KYAT1: variants seen among roughly 807,000 people sequenced by gnomAD.
KYAT1 encodes the protein kynurenine aminotransferase 1.
KYAT1 carries 47 observed loss-of-function variants against 52.4 expected under a neutral mutation model. That is an observed-to-expected ratio of 0.90 (90% CI 0.71 to 1.14). The LOEUF (loss-of-function observed/expected upper bound fraction) is 1.14. Among genes scored for constraint, KYAT1 ranks in the 50% most tolerant of loss-of-function variants. The probability of loss-of-function intolerance (pLI) is 0.00; values close to 1 mark genes in which losing one functional copy is unlikely to be tolerated. For missense variants in KYAT1, 480 were observed against 557.9 expected, an observed-to-expected ratio of 0.86 and a Z score of 1.41; for synonymous variants, 212 against 209.6, an observed-to-expected ratio of 1.01 and a Z score of -0.10.
chr9:128,875,430 A>G (rs962444694), intron 1 of KYAT1, among the ~76,000 whole-genome samples: 5 of 151,608 alleles, frequency 3.3e-5, no homozygotes, highest in African/African-American at 1.2e-4. Context: ...CCTGGCCAAC[A>G]TGGTGAAACC....
chr9:128,874,928 T>C (rs1181533742), intron 1 of KYAT1, among the ~76,000 whole-genome samples: 2 of 151,914 alleles, frequency 1.3e-5, no homozygotes, highest in Non-Finnish European at 2.9e-5. Context: ...TTTCACCATG[T>C]TGGCCAGGCT....
chr9:128,847,488 C>G, intron 1 of KYAT1: 1 of 1,535,994 alleles, frequency 6.5e-7, no homozygotes, highest in Non-Finnish European at 8.7e-7. Flanking sequence ...CTGAAGGGGC[C>G]CCACCAGGTG....
chr9:128,833,664 C>T, intron 12 of KYAT1, 21 bp from the exon 13 acceptor site: 5 of 1,614,200 alleles, frequency 3.1e-6, no homozygotes, highest in Non-Finnish European at 4.2e-6. Flanking sequence ...ACAGATTAGT[C>T]CTACACTCTC....
chr9:128,877,118 G>C (rs1838160313), intron 1 of KYAT1, among the ~76,000 whole-genome samples: 1 of 152,058 alleles, frequency 6.6e-6, no homozygotes, highest in Non-Finnish European at 1.5e-5. Context: ...GGCTGGTCTT[G>C]AACTTCTGGC....
intron 1 of KYAT1, chr9:128,847,778 AC>A (rs1205349614): frequency 1.8e-5 from 7 of 399,722 alleles, no homozygotes; most frequent in Admixed American, 8.7e-5. Flanking sequence ...TATACAATAC[AC>A]CCCCCAGCAA....
At chr9:128,843,527 C>T (rs971235737) in intron 2 of KYAT1, among the ~76,000 whole-genome samples, 13 of 151,966 alleles carry the variant, frequency 8.6e-5, no homozygotes, top group South Asian at 4.1e-4. Flanking sequence ...TACAGGCACC[C>T]GCCACCACGC....
chr9:128,869,248 G>A (rs1836875277), intron 1 of KYAT1, among the ~76,000 whole-genome samples: 1 of 151,860 alleles, frequency 6.6e-6, no homozygotes, highest in Non-Finnish European at 1.5e-5. Context: ...TGCAAGCTCT[G>A]CCTCCCGGGT....
chr9:128,865,464 G>C (rs1201620242), intron 1 of KYAT1, among the ~76,000 whole-genome samples: 1 of 146,056 alleles, frequency 6.8e-6, no homozygotes, highest in African/African-American at 2.6e-5. Context: ...CCGGGTTCAA[G>C]CGATTCTCGT....
chr9:128,851,446 G>T (rs1408472125), intron 1 of KYAT1, among the ~76,000 whole-genome samples: 1 of 152,162 alleles, frequency 6.6e-6, no homozygotes, highest in Non-Finnish European at 1.5e-5. Context: ...TTAAGAAGAG[G>T]GGGAGTTAAA....
At chr9:128,881,194 C>T (rs1054549426) in intron 1 of KYAT1, among the ~76,000 whole-genome samples, 1 of 152,174 alleles carries the variant, frequency 6.6e-6, no homozygotes, top group South Asian at 2.1e-4. Flanking sequence ...CATTCTCCTG[C>T]CTCAGCCTCC....
At chr9:128,864,365 C>CA (rs35129459) in intron 1 of KYAT1, among the ~76,000 whole-genome samples, 43,685 of 75,068 alleles carry the variant, frequency 0.58, 13,514 homozygotes, top group Non-Finnish European at 0.68. Context: ...GACTCTGTCT[C>CA]AAAAAAAAAA....
chr9:128,837,571 G>A, intron 6 of KYAT1, 114 bp downstream of exon 6: 1 of 1,239,936 alleles, frequency 8.1e-7, no homozygotes, highest in Non-Finnish European at 1.1e-6. Context: ...CTCATTGTGT[G>A]TGGCCCTCCC....
intron 1 of KYAT1, among the ~76,000 whole-genome samples, chr9:128,879,115 C>T (rs1838439135): frequency 6.6e-6 from 1 of 152,170 alleles, no homozygotes; most frequent in African/African-American, 2.4e-5. Context: ...TAGAGACCAT[C>T]CTGGCTAACA....
chr9:128,856,911 A>T (rs1422949430), intron 1 of KYAT1, among the ~76,000 whole-genome samples: 1 of 152,220 alleles, frequency 6.6e-6, no homozygotes, highest in Non-Finnish European at 1.5e-5. Flanking sequence ...AGATTAGTAA[A>T]AGAGGAAAGC....
intron 1 of KYAT1, among the ~76,000 whole-genome samples, chr9:128,849,883 C>CTTTTTTTT (rs537211110): frequency 1.1e-5 from 1 of 91,962 alleles, no homozygotes; most frequent in Non-Finnish European, 1.9e-5. Flanking sequence ...TTATTTTCTT[C>CTTTTTTTT]TTTTTTTTTT....
intron 1 of KYAT1, among the ~76,000 whole-genome samples, chr9:128,861,671 G>A (rs1005801618): frequency 6.6e-6 from 1 of 152,196 alleles, no homozygotes; most frequent in Admixed American, 6.5e-5. Flanking sequence ...GCAACAAAGG[G>A]TAGTGTTACT....
intron 6 of KYAT1, among the ~76,000 whole-genome samples, chr9:128,837,281 G>A (rs1318713577): frequency 1.3e-5 from 2 of 152,176 alleles, no homozygotes; most frequent in East Asian, 1.9e-4. Flanking sequence ...GAGACAGAGC[G>A]AGACTCCGTC....
chr9:128,867,463 G>A (rs2130755012), intron 1 of KYAT1, among the ~76,000 whole-genome samples: 1 of 152,270 alleles, frequency 6.6e-6, no homozygotes, highest in South Asian at 2.1e-4. Context: ...ACAGGTGTGA[G>A]CCAGTGCACC....
chr9:128,840,183 AC>A (rs1831886696), intron 3 of KYAT1, among the ~76,000 whole-genome samples: 1 of 151,394 alleles, frequency 6.6e-6, no homozygotes, highest in South Asian at 2.1e-4. Flanking sequence ...CATGCCTGTA[AC>A]CCAGCACTTT....
Sources: gnomAD v4.1 joint callset for allele counts (sites outside exome capture counted in the v4.1 genomes callset) on GRCh38, gnomAD v4.1.1 for gene constraint, MANE v1.5 for transcripts, NCBI Gene and HGNC (gene_info 2026-07-23, HGNC 2026-07-21) for gene names.